The following PKP2 variants were observed in gnomAD, a reference collection of about 807,000 sequenced individuals.
PKP2 encodes plakophilin-2.
Under a neutral mutation model 83.4 loss-of-function variants are expected in PKP2, and 73 were observed. That is an observed-to-expected ratio of 0.88 (90% CI 0.72 to 1.06). The LOEUF (loss-of-function observed/expected upper bound fraction) is 1.06. Among genes scored for constraint, PKP2 ranks in the 50% least tolerant of loss-of-function variants. The pLI, the probability that PKP2 is intolerant of heterozygous loss-of-function variation, is 0.00. For synonymous variants in PKP2, 409 were observed against 430.4 expected (o/e 0.95, Z 0.62); for missense variants, 966 against 1,065.4 (o/e 0.91, Z 1.30).
chr12:32,849,901 GTTTCTAATA>G (rs1277178363), intron 5 of PKP2, among the ~76,000 whole-genome samples: 1 of 152,212 alleles, frequency 6.6e-6, no homozygotes, highest in African/African-American at 2.4e-5. Flanking sequence ...GGAAAAAACA[GTTTCTAATA>G]TTTGATTACA....
chr12:32,863,643 C>A (rs746714581), intron 4 of PKP2, among the ~76,000 whole-genome samples: 3 of 152,196 alleles, frequency 2.0e-5, no homozygotes, highest in Non-Finnish European at 4.4e-5. Context: ...ATAGTCTAAA[C>A]AGCCCCACAG....
intron 1 of PKP2, among the ~76,000 whole-genome samples, chr12:32,881,724 G>A (rs1471418009): frequency 6.6e-6 from 1 of 152,104 alleles, no homozygotes; most frequent in Non-Finnish European, 1.5e-5. Flanking sequence ...GCACGATCTC[G>A]GCTCACTGCA....
intron 5 of PKP2, among the ~76,000 whole-genome samples, chr12:32,842,634 C>T (rs905527328): frequency 6.6e-6 from 1 of 152,164 alleles, no homozygotes; most frequent in African/African-American, 2.4e-5. Flanking sequence ...TGACTCTTCC[C>T]TTTCTACCCT....
Position 32,809,912 on chromosome 12 carries a change from C to T in PKP2, c.2014-7356G>A, listed in dbSNP as rs576226298. On this transcript the variant is annotated intron_variant, in intron 9 of 12. Coordinates refer to ENST00000340811, the MANE Select transcript of PKP2 (RefSeq NM_001005242.3). ...GGATCAGGGTGATTGTTTAGTCAGT[C>T]CCAATGCGAGAACCTGGATATTTCA... Among the ~76,000 whole-genome samples, 7 of 152,254 alleles carry T rather than the reference C, an allele frequency of 4.6e-5. No individual in the cohort carries two copies. The South Asian group carries it at 1.5e-3, about 32-fold the overall frequency.
chr12:32,889,611 T>C (rs936900723), intron 1 of PKP2, among the ~76,000 whole-genome samples: 7 of 152,234 alleles, frequency 4.6e-5, no homozygotes, highest in African/African-American at 1.7e-4. Context: ...CAGGCAGGTA[T>C]GTATTCTGTG....
chr12:32,864,979 G>T (rs1003004933), intron 4 of PKP2, among the ~76,000 whole-genome samples: 2 of 152,136 alleles, frequency 1.3e-5, no homozygotes, highest in African/African-American at 4.8e-5. Flanking sequence ...GCACTAGGAC[G>T]TAAGAATGTT....
chr12:32,798,110 G>A (rs1485611351), intron 10 of PKP2, among the ~76,000 whole-genome samples: 9 of 126,946 alleles, frequency 7.1e-5, no homozygotes, highest in Non-Finnish European at 1.3e-4. Flanking sequence ...TGGAGATGGA[G>A]TTTCGCTCTT....
In PKP2 at chr12:32,878,177, G is replaced by A; in HGVS notation, c.703C>T (p.Pro235Ser). The A allele has an allele frequency of 1.9e-6, 3 of 1,614,238 alleles. No individual in the cohort carries two copies. In the African/African-American group the frequency reaches 4.0e-5, roughly 22 times the overall value. ...TACGTGAGCAGGGCCGGGTTGGCAGGGATGCTGTCAAAAACGGTGTCGCTA... is the reference window on the plus strand; with the variant it reads ...TACGTGAGCAGGGCCGGGTTGGCAGAGATGCTGTCAAAAACGGTGTCGCTA... ...SVSDTVFDSIPANPALLTYPR... is the reference protein window; with the variant it reads ...SVSDTVFDSISANPALLTYPR... Residue 235 changes from proline (P) to serine (S), a missense_variant, in exon 3 of 13, where the codon CCT becomes TCT. Transcript: ENST00000340811.
chr12:32,883,197 A>G (rs1274329118), intron 1 of PKP2, among the ~76,000 whole-genome samples: 8 of 152,248 alleles, frequency 5.3e-5, no homozygotes, highest in Non-Finnish European at 1.2e-4. Flanking sequence ...TGGAATACAC[A>G]TGAAAGATGT....
At chr12:32,846,306 A>T (rs1448006564) in intron 5 of PKP2, among the ~76,000 whole-genome samples, 2 of 152,094 alleles carry the variant, frequency 1.3e-5, no homozygotes, top group Non-Finnish European at 2.9e-5. Flanking sequence ...ACGCTCACTT[A>T]GTAAGGGAGA....
In PKP2 at chr12:32,792,478, C is replaced by A; in HGVS notation, c.2460G>T (p.Lys820Asn). The change falls in exon 13 of 13, where the codon AAG becomes AAT. Residue 820 changes from lysine (K) to asparagine (N), a missense_variant. By Grantham distance (94) the Lys-to-Asn change is moderately conservative. Transcript: ENST00000340811. ...HHAYKKAQFK[K>N]TDFVNSRTAK... ...CAGTCCGGCTGTTGACAAAATCTGT[C>A]TTCTTAAACTGAGCCTTTGGAATAA... 1 of 1,613,680 alleles carries A rather than the reference C, an allele frequency of 6.2e-7. No individual in the cohort carries two copies. Among genetic ancestry groups the A allele is most frequent in the Non-Finnish European group, 8.5e-7 (1 of 1,179,674 alleles).
chr12:32,828,852 G>A (rs894269583), intron 6 of PKP2, among the ~76,000 whole-genome samples: 2 of 152,180 alleles, frequency 1.3e-5, no homozygotes, highest in African/African-American at 2.4e-5. Context: ...GAGAATGGCC[G>A]GGAACAATAA....
chr12:32,820,947 C>T (rs10844367), intron 9 of PKP2: 14,264 of 231,942 alleles, frequency 0.061, 1,596 homozygotes, highest in East Asian at 0.51. Flanking sequence ...GTCTTTGTTA[C>T]CCTATGGAGA....
chr12:32,859,908 C>T (rs1011078345), intron 4 of PKP2, among the ~76,000 whole-genome samples: 1 of 151,936 alleles, frequency 6.6e-6, no homozygotes, highest in African/African-American at 2.4e-5. Flanking sequence ...GAAATGAACA[C>T]TCTGATAAAA....
intron 1 of PKP2, among the ~76,000 whole-genome samples, chr12:32,892,412 A>C (rs1455978615): frequency 6.6e-6 from 1 of 151,172 alleles, no homozygotes; most frequent in Admixed American, 6.6e-5. Context: ...TCCCAGGTTC[A>C]AGCAATTCTC....
intron 1 of PKP2, among the ~76,000 whole-genome samples, chr12:32,887,162 G>C (rs1390111370): frequency 1.3e-5 from 2 of 152,188 alleles, no homozygotes; most frequent in Non-Finnish European, 2.9e-5. Context: ...ACAACTTGGT[G>C]TATCAGGTAT....
intron 6 of PKP2, among the ~76,000 whole-genome samples, chr12:32,839,115 G>T (rs949043484): frequency 3.3e-5 from 5 of 152,136 alleles, no homozygotes; most frequent in African/African-American, 1.2e-4. Context: ...GGTAATGAAG[G>T]TTGTGGATAG....
At chr12:32,882,279 G>A (rs949131214) in intron 1 of PKP2, among the ~76,000 whole-genome samples, 1 of 152,138 alleles carries the variant, frequency 6.6e-6, no homozygotes, top group Non-Finnish European at 1.5e-5. Context: ...GTCATTTATG[G>A]ACCGTAGCTG....
chr12:32,831,366 T>C (rs779404929), intron 6 of PKP2, among the ~76,000 whole-genome samples: 3 of 152,238 alleles, frequency 2.0e-5, no homozygotes, highest in Non-Finnish European at 2.9e-5. Context: ...TTGATTATGA[T>C]GATAGTCTTA....
Sources: allele counts gnomAD v4.1 joint callset (sites outside exome capture counted in the v4.1 genomes callset), GRCh38; gene constraint gnomAD v4.1.1; transcripts MANE v1.5; gene names NCBI Gene and HGNC (gene_info 2026-07-23, HGNC 2026-07-21).